Variants in TRPM3 observed in about 807,000 individuals in gnomAD.
The protein encoded by TRPM3 is long transient receptor potential channel 3.
In TRPM3, 77 loss-of-function variants were observed where a neutral mutation model predicts 181.2. That is an observed-to-expected ratio of 0.42 (90% CI 0.35 to 0.51). TRPM3 has a LOEUF of 0.51. TRPM3 is among the 20% of genes least tolerant of loss of function. The probability of loss-of-function intolerance (pLI) is 0.01; values close to 1 mark genes in which losing one functional copy is unlikely to be tolerated. For missense variants in TRPM3, 1,759 were observed against 2,196.7 expected (o/e 0.80, Z 3.98); for synonymous variants, 745 against 796.4 (o/e 0.94, Z 1.09).
intron 9 of TRPM3, among the ~76,000 whole-genome samples, chr9:70,670,190 C>A (rs2062650254): frequency 6.6e-6 from 1 of 152,190 alleles, no homozygotes; most frequent in African/African-American, 2.4e-5. Flanking sequence ...TTTGCCTGGA[C>A]ATTCTGATTC....
intron 1 of TRPM3, among the ~76,000 whole-genome samples, chr9:70,881,930 G>A (rs1291792116): frequency 6.6e-6 from 1 of 152,162 alleles, no homozygotes; most frequent in Non-Finnish European, 1.5e-5. Flanking sequence ...GGCATTTAGA[G>A]GGGCTCAGTA....
At chr9:70,692,815 T>C (rs1225882119) in intron 8 of TRPM3, among the ~76,000 whole-genome samples, 1 of 152,264 alleles carries the variant, frequency 6.6e-6, no homozygotes, top group Non-Finnish European at 1.5e-5. Flanking sequence ...AGTGCAGTGC[T>C]GGCTTATATT....
intron 1 of TRPM3, among the ~76,000 whole-genome samples, chr9:71,367,432 A>T (rs1052075768): frequency 6.6e-6 from 1 of 152,210 alleles, no homozygotes; most frequent in Non-Finnish European, 1.5e-5. Context: ...TGGTTCACCA[A>T]GTCTAAATTC....
chr9:71,103,385 G>A (rs2068774702), intron 1 of TRPM3, among the ~76,000 whole-genome samples: 1 of 152,198 alleles, frequency 6.6e-6, no homozygotes, highest in Non-Finnish European at 1.5e-5. Context: ...GTGAAAGCTA[G>A]TCTCTCAACC....
intron 1 of TRPM3, among the ~76,000 whole-genome samples, chr9:70,982,613 G>C (rs2097374437): frequency 6.6e-6 from 1 of 152,108 alleles, no homozygotes; most frequent in African/African-American, 2.4e-5. Flanking sequence ...CTTTAAGTAT[G>C]TCTCTCTCAT....
chr9:71,436,406 G>A lies in TRPM3; in HGVS notation c.183+10247C>T, dbSNP rs769050412. 9.6e-5 allele frequency among the ~76,000 whole-genome samples: 14 copies of A among 146,464 alleles called. 1 individual carries two copies. The East Asian group carries it at 2.6e-3, about 27-fold the overall frequency. On this transcript the variant is annotated intron_variant, in intron 1 of 24. Transcript: ENST00000357533. ...CAATCTCTGCCTCCTGGGTTCGAGC[G>A]ATTCCCCTGCCTCAGCCTCCAGAGT... is the stretch of plus-strand genomic sequence containing the variant.
chr9:70,562,286 A>G (rs952033226), intron 22 of TRPM3, among the ~76,000 whole-genome samples: 6 of 152,166 alleles, frequency 3.9e-5, no homozygotes, highest in Non-Finnish European at 8.8e-5. Context: ...CAGGAAAAGG[A>G]GCAAAAGACT....
intron 1 of TRPM3, among the ~76,000 whole-genome samples, chr9:71,216,030 G>A (rs962785195): frequency 6.6e-6 from 1 of 152,314 alleles, no homozygotes; most frequent in East Asian, 1.9e-4. Flanking sequence ...AAAAGATTTA[G>A]TATATGTCTA....
intron 1 of TRPM3, among the ~76,000 whole-genome samples, chr9:71,188,177 CT>C (rs2134975681): frequency 6.6e-6 from 1 of 151,862 alleles, no homozygotes; most frequent in Admixed American, 6.6e-5. Context: ...ATGTTTAATT[CT>C]TATGGTAAAT....
At chr9:70,948,749 G>T (rs2096963281) in intron 1 of TRPM3, among the ~76,000 whole-genome samples, 1 of 152,192 alleles carries the variant, frequency 6.6e-6, no homozygotes, top group Non-Finnish European at 1.5e-5. Flanking sequence ...GAGCCCAAAT[G>T]GTAGTCTTTA....
intron 1 of TRPM3, among the ~76,000 whole-genome samples, chr9:71,012,407 G>GT (rs11449061): frequency 0.14 from 20,163 of 140,682 alleles, 1,441 homozygotes; most frequent in African/African-American, 0.21. Flanking sequence ...CTTTATAGTT[G>GT]TTTTTTTTTT....
At chr9:70,998,863 T>C (rs542110971) in intron 1 of TRPM3, among the ~76,000 whole-genome samples, 1 of 152,344 alleles carries the variant, frequency 6.6e-6, no homozygotes, top group East Asian at 1.9e-4. Context: ...TTATGTCCTC[T>C]TTAAACTTTT....
chr9:71,438,761 G>T (rs953952341), intron 1 of TRPM3, among the ~76,000 whole-genome samples: 3 of 152,188 alleles, frequency 2.0e-5, no homozygotes, highest in African/African-American at 7.2e-5. Context: ...AAATAATCTA[G>T]TGGGAGAGAG....
chr9:71,076,451 C>T (rs1473017297), intron 1 of TRPM3, among the ~76,000 whole-genome samples: 2 of 152,142 alleles, frequency 1.3e-5, no homozygotes, highest in South Asian at 2.1e-4. Context: ...TTGGCAGCAG[C>T]CATCAGCTGG....
intron 1 of TRPM3, among the ~76,000 whole-genome samples, chr9:70,952,477 C>T (rs1416914473): frequency 1.3e-5 from 2 of 152,072 alleles, no homozygotes; most frequent in Non-Finnish European, 2.9e-5. Flanking sequence ...TCAGGCATAC[C>T]AACATACTTA....
upstream of TRPM3, among the ~76,000 whole-genome samples, chr9:71,122,290 T>C (rs772452651): frequency 2.0e-5 from 3 of 152,250 alleles, no homozygotes; most frequent in Non-Finnish European, 4.4e-5. Context: ...TTGGAATGTA[T>C]AGTCTTTAGG....
intron 1 of TRPM3, among the ~76,000 whole-genome samples, chr9:71,061,370 G>A (rs2061317997): frequency 6.6e-6 from 1 of 152,122 alleles, no homozygotes; most frequent in African/African-American, 2.4e-5. Flanking sequence ...GGTTTGTGTG[G>A]TGTGGAATCA....
At chr9:71,405,860 A>C (rs2093426249) in intron 1 of TRPM3, among the ~76,000 whole-genome samples, 1 of 152,256 alleles carries the variant, frequency 6.6e-6, no homozygotes. Flanking sequence ...CTAAGAAAGC[A>C]TCTATGTATC....
rs149403453 is a variant in TRPM3 at position 70,885,550 on chromosome 9, C to T, written c.178-21039G>A. 4.0e-3 allele frequency among the ~76,000 whole-genome samples: 612 copies of T among 152,234 alleles called. 13 individuals are homozygous for T. The highest frequency in any genetic ancestry group is 3.7e-3 in the Non-Finnish European group (254 of 68,018). On this transcript the variant is annotated intron_variant, in intron 1 of 25. Transcript: ENST00000677713. ...TCTATTATTAAACTTCTCAATAACCCTCACTTTTTACCCAGCTAGGTCATT... is the reference window on the plus strand; with the variant it reads ...TCTATTATTAAACTTCTCAATAACCTTCACTTTTTACCCAGCTAGGTCATT...
Sources: allele counts gnomAD v4.1 joint callset (sites outside exome capture counted in the v4.1 genomes callset), GRCh38; gene constraint gnomAD v4.1.1; transcripts MANE v1.5; gene names NCBI Gene and HGNC (gene_info 2026-07-23, HGNC 2026-07-21).